The following NR4A3 variants were observed in gnomAD, a reference collection of about 807,000 sequenced individuals.
The protein encoded by NR4A3 is chondrosarcoma, extraskeletal myxoid, fused to EWS.
Under a neutral mutation model 55.6 loss-of-function variants are expected in NR4A3, and 13 were observed. That is an observed-to-expected ratio of 0.23 (90% CI 0.15 to 0.37). NR4A3 has a LOEUF of 0.37. Among genes scored for constraint, NR4A3 ranks in the 10% least tolerant of loss-of-function variants. The pLI is 1.00. For missense variants in NR4A3, 646 were observed against 822.8 expected, an observed-to-expected ratio of 0.79 and a Z score of 2.63; for synonymous variants, 342 against 357.9, an observed-to-expected ratio of 0.96 and a Z score of 0.50.
intron 5 of NR4A3, chr9:99,833,933 G>A (rs887781396): frequency 2.2e-5 from 26 of 1,184,244 alleles, no homozygotes; most frequent in Admixed American, 4.3e-5. Flanking sequence ...AGCTCTGGCT[G>A]TGACATCAGT....
chr9:99,835,798 C>T (rs933767502), intron 5 of NR4A3, among the ~76,000 whole-genome samples: 3 of 152,208 alleles, frequency 2.0e-5, no homozygotes, highest in Admixed American at 2.0e-4. Flanking sequence ...CTGCACCATT[C>T]AGTCTGTTAG....
intron 5 of NR4A3, chr9:99,834,776 G>A: frequency 1.0e-6 from 1 of 985,250 alleles, no homozygotes; most frequent in Non-Finnish European, 1.2e-6. Context: ...AGGCTGCGAA[G>A]CCTCCTCTCT....
Position 99,828,246 on chromosome 9 carries a change from C to A in NR4A3, c.204C>A (p.Asn68Lys), listed in dbSNP as rs751172519. 3.7e-6 allele frequency: 6 copies of A among 1,613,624 alleles called. No homozygotes were observed. Among genetic ancestry groups the A allele is most frequent in the Admixed American group, 1.7e-5 (1 of 60,014 alleles). ...ISTFVEGYSSNYELKPSCVYQ... is the reference protein window; with the variant it reads ...ISTFVEGYSSKYELKPSCVYQ... ...CCTTCGTGGAGGGCTACTCGAGCAA[C>A]TACGAACTCAAGCCTTCCTGCGTGT... is the stretch of plus-strand genomic sequence containing the variant. Residue 68 changes from asparagine to lysine, a missense_variant, in exon 3 of 8, where the codon AAC becomes AAA. Physicochemically the swap from Asn to Lys is moderately conservative, Grantham distance 94. Transcript: ENST00000395097. The surrounding 1 kb of genome is among the most constrained non-coding windows in gnomAD (Gnocchi z 7.7).
At chr9:99,834,107 T>A (rs1827505407) in intron 5 of NR4A3, 1 of 930,220 alleles carries the variant, frequency 1.1e-6, no homozygotes, top group East Asian at 6.5e-5. Context: ...TGTGAAAATG[T>A]TTTTAAGACC....
chr9:99,823,827 T>C (rs1827233867), intron 1 of NR4A3, among the ~76,000 whole-genome samples: 1 of 151,656 alleles, frequency 6.6e-6, no homozygotes. Flanking sequence ...CCTCGGTCTT[T>C]CTGAGAATCT....
intron 5 of NR4A3, among the ~76,000 whole-genome samples, chr9:99,836,656 A>AG (rs1231958454): frequency 6.6e-6 from 1 of 152,200 alleles, no homozygotes; most frequent in African/African-American, 2.4e-5. Flanking sequence ...TAGAGAGAGG[A>AG]GGGGGGCCTC....
intron 1 of NR4A3, among the ~76,000 whole-genome samples, chr9:99,823,579 T>C (rs1362825142): frequency 6.6e-6 from 1 of 152,128 alleles, no homozygotes; most frequent in African/African-American, 2.4e-5. Flanking sequence ...GGAAATATTT[T>C]ATAGAATCAA....
At position 99,866,278 on chromosome 9, in the gene NR4A3, T is replaced by C. The variant is rs1216889670; in HGVS notation, c.*2411T>C. The C allele has an allele frequency of 9.0e-6, 2 of 221,430 alleles. No individual in the cohort carries two copies. The highest frequency in any genetic ancestry group is 1.3e-4 in the East Asian group (2 of 15,140). 13.7% of individuals were successfully genotyped at this position (221,430 alleles called of 1,614,324 possible). On this transcript the variant is annotated 3_prime_UTR_variant, in exon 8 of 8. Transcript: ENST00000395097. ...AACCTTCTTGTGCACCATGAGTATT[T>C]GGAAAGTTAATCCTTGTTTTTGTCG...
chr9:99,864,087 CA>C lies in NR4A3; in HGVS notation c.*221del. 2 of 400,800 alleles carry C rather than the reference CA, an allele frequency of 5.0e-6. No homozygotes were observed. The highest frequency in any genetic ancestry group is 9.1e-6 in the Non-Finnish European group (2 of 219,776). 24.8% of individuals were successfully genotyped at this position (400,800 alleles called of 1,614,324 possible). Reference sequence around the variant, plus strand: ...GTTGGGGTTGTGTTTTATATTTAGGCATTGGGGGATGGGGTGGGAGGGGGTT... The same window carrying C: ...GTTGGGGTTGTGTTTTATATTTAGGCTTGGGGGATGGGGTGGGAGGGGGTT... On this transcript the variant is annotated 3_prime_UTR_variant, in exon 8 of 8. Transcript: ENST00000395097.
chr9:99,855,982 T>C (rs1441588235), intron 7 of NR4A3, among the ~76,000 whole-genome samples: 1 of 152,020 alleles, frequency 6.6e-6, no homozygotes, highest in African/African-American at 2.4e-5. Context: ...TTGACATTTC[T>C]CATATAAGCC....
intron 3 of NR4A3, among the ~76,000 whole-genome samples, chr9:99,831,899 A>G (rs1454840281): frequency 6.6e-6 from 1 of 152,164 alleles, no homozygotes; most frequent in Non-Finnish European, 1.5e-5. Flanking sequence ...TTTTTACAAT[A>G]TGGTTACTGT....
intron 1 of NR4A3, among the ~76,000 whole-genome samples, chr9:99,823,547 G>A (rs1338056926): frequency 6.6e-6 from 1 of 152,080 alleles, no homozygotes; most frequent in African/African-American, 2.4e-5. Context: ...GTCCAGTGCC[G>A]GATCTCCTTT....
At chr9:99,837,065 A>G (rs927481457) in intron 5 of NR4A3, among the ~76,000 whole-genome samples, 1 of 151,984 alleles carries the variant, frequency 6.6e-6, no homozygotes, top group Admixed American at 6.6e-5. Context: ...TTTTTCTGCT[A>G]TTGAGTTGAA....
At chr9:99,849,099 T>C (rs1827805221) in intron 7 of NR4A3, among the ~76,000 whole-genome samples, 1 of 152,248 alleles carries the variant, frequency 6.6e-6, no homozygotes, top group African/African-American at 2.4e-5. Flanking sequence ...AGATGGCCCC[T>C]TCTTTCTGTT....
At chr9:99,843,757 A>ATT in intron 5 of NR4A3, among the ~76,000 whole-genome samples, 1 of 144,476 alleles carries the variant, frequency 6.9e-6, no homozygotes, top group East Asian at 2.1e-4. Context: ...TGAGATTGTC[A>ATT]TTTTTTTTTT....
intron 5 of NR4A3, chr9:99,834,919 G>A: frequency 2.0e-6 from 2 of 985,086 alleles, no homozygotes; most frequent in Non-Finnish European, 2.4e-6. Context: ...AGAGAATAAA[G>A]CAGAATAATA....
chr9:99,829,046 G>A, intron 3 of NR4A3, 53 bp downstream of exon 3: 1 of 1,297,854 alleles, frequency 7.7e-7, no homozygotes, highest in Admixed American at 4.1e-5. Context: ...ACTGAAGGGA[G>A]CTTCTAAGTG....
Position 99,828,628 on chromosome 9 carries a change from T to C in NR4A3, c.586T>C (p.Ser196Pro). ...ARFPLFHFKPSPPHPPAPSPA... is the reference protein window; with the variant it reads ...ARFPLFHFKPPPPHPPAPSPA... Reference sequence around the variant, plus strand: ...CTTCCCGCTCTTCCACTTCAAGCCCTCGCCGCCGCATCCCCCCGCGCCCAG... The same window carrying C: ...CTTCCCGCTCTTCCACTTCAAGCCCCCGCCGCCGCATCCCCCCGCGCCCAG... The change falls in exon 3 of 8, where the codon TCG becomes CCG. Residue 196 changes from serine (S) to proline (P), a missense_variant. Transcript: ENST00000395097. The surrounding 1 kb of genome is among the most constrained non-coding windows in gnomAD (Gnocchi z 7.7). 6.8e-7 allele frequency: 1 copy of C among 1,479,290 alleles called. No individual in the cohort carries two copies. Among genetic ancestry groups the C allele is most frequent in the Non-Finnish European group, 8.9e-7 (1 of 1,124,818 alleles). 91.6% of individuals were successfully genotyped at this position (1,479,290 alleles called of 1,614,324 possible).
At chr9:99,834,059 A>G (rs1227321501) in intron 5 of NR4A3, 1 of 1,049,662 alleles carries the variant, frequency 9.5e-7, no homozygotes, top group African/African-American at 1.7e-5. Flanking sequence ...TTAACCTCAG[A>G]GGGGTGTTCT....
Sources: gnomAD v4.1 joint callset for allele counts (sites outside exome capture counted in the v4.1 genomes callset) on GRCh38, gnomAD v4.1.1 for gene constraint, Gnocchi (gnomAD v3.1) non-coding constraint, MANE v1.5 for transcripts, NCBI Gene and HGNC (gene_info 2026-07-23, HGNC 2026-07-21) for gene names.